KLRG1: variants seen among roughly 807,000 people sequenced by gnomAD.
KLRG1 encodes killer cell lectin-like receptor subfamily G member 1.
In KLRG1, 16 loss-of-function variants were observed where a neutral mutation model predicts 21.8. That is an observed-to-expected ratio of 0.73 (90% CI 0.50 to 1.11). The LOEUF (loss-of-function observed/expected upper bound fraction) is 1.11. KLRG1 is among the 50% of genes most tolerant of loss of function. KLRG1 has a pLI of 0.00. For synonymous variants in KLRG1, 69 were observed against 75.9 expected (o/e 0.91, Z 0.47); for missense variants, 173 against 218.3 (o/e 0.79, Z 1.31).
At chr12:9,191,661 G>T in the KLRG1 span, among the ~76,000 whole-genome samples, 1 of 151,918 alleles carries the variant, frequency 6.6e-6, no homozygotes, top group Admixed American at 6.6e-5. Flanking sequence ...AAATGTTCAC[G>T]GGTTCTCTTT....
the KLRG1 span, among the ~76,000 whole-genome samples, chr12:9,133,700 C>A: frequency 6.6e-6 from 1 of 152,150 alleles, no homozygotes; most frequent in South Asian, 2.1e-4. Flanking sequence ...GCTAAACTCC[C>A]CAGACAGAAA....
intron 3 of KLRG1, among the ~76,000 whole-genome samples, chr12:9,004,321 CA>C: frequency 6.6e-6 from 1 of 152,286 alleles, no homozygotes; most frequent in African/African-American, 2.4e-5. Context: ...GTCCCACCAA[CA>C]GTGTAAAAGT....
the KLRG1 span, chr12:9,165,027 T>C: frequency 7.6e-7 from 1 of 1,317,110 alleles, no homozygotes; most frequent in Non-Finnish European, 1.1e-6. Context: ...TTCACAGTGC[T>C]AACACACAAT....
At chr12:9,185,658 GA>G in the KLRG1 span, among the ~76,000 whole-genome samples, 82 of 149,898 alleles carry the variant, frequency 5.5e-4, no homozygotes, top group African/African-American at 1.2e-3. Context: ...TGAAATGAAT[GA>G]AAAAAAAAAA....
the KLRG1 span, among the ~76,000 whole-genome samples, chr12:9,019,838 C>T: frequency 6.6e-6 from 1 of 151,768 alleles, no homozygotes; most frequent in Non-Finnish European, 1.5e-5. Context: ...CTCTTGCCTT[C>T]GTGTCCCAAA....
chr12:8,991,395 A>G (rs1361597305), intron 1 of KLRG1, among the ~76,000 whole-genome samples: 1 of 152,218 alleles, frequency 6.6e-6, no homozygotes, highest in Non-Finnish European at 1.5e-5. Flanking sequence ...CACTTCTGAA[A>G]TGTAGATTAT....
chr12:9,103,861 C>T, the KLRG1 span, among the ~76,000 whole-genome samples: 9 of 152,140 alleles, frequency 5.9e-5, no homozygotes, highest in East Asian at 1.9e-4. Context: ...GTGAATAGTG[C>T]GGCTATGAAC....
the KLRG1 span, chr12:9,194,127 G>A: frequency 3.1e-6 from 5 of 1,614,000 alleles, no homozygotes; most frequent in East Asian, 4.5e-5. Flanking sequence ...ATTGAAAACT[G>A]TGCAAGACCC....
chr12:9,207,472 C>T, the KLRG1 span, among the ~76,000 whole-genome samples: 1 of 152,118 alleles, frequency 6.6e-6, no homozygotes, highest in African/African-American at 2.4e-5. Flanking sequence ...AAACAATAGC[C>T]ATAGTATTTG....
At chr12:9,015,251 C>T (rs1947683888), downstream of KLRG1, among the ~76,000 whole-genome samples, 1 of 152,016 alleles carries the variant, frequency 6.6e-6, no homozygotes, top group South Asian at 2.1e-4. Flanking sequence ...AACAATCTGT[C>T]ACCTACAAGA....
At chr12:9,186,975 T>G in the KLRG1 span, among the ~76,000 whole-genome samples, 1 of 149,048 alleles carries the variant, frequency 6.7e-6, no homozygotes, top group South Asian at 2.1e-4. Context: ...GTTCTGCCCA[T>G]GTATCCCAGA....
the KLRG1 span, among the ~76,000 whole-genome samples, chr12:9,176,774 G>T: frequency 6.6e-6 from 1 of 152,158 alleles, no homozygotes; most frequent in Admixed American, 6.5e-5. Flanking sequence ...TTTTGAACAG[G>T]AGTGTCAATA....
the KLRG1 span, chr12:9,057,507 T>C: frequency 2.0e-5 from 3 of 152,456 alleles, no homozygotes; most frequent in Non-Finnish European, 4.4e-5. Context: ...CCCCTAAATC[T>C]ATATAAAGTA....
upstream of KLRG1, among the ~76,000 whole-genome samples, chr12:8,985,155 A>G (rs1263249675): frequency 2.3e-5 from 3 of 132,600 alleles, no homozygotes; most frequent in African/African-American, 8.5e-5. Context: ...CCTCTGGTCT[A>G]TGACAGTTTC....
chr12:9,106,836 A>G, the KLRG1 span, among the ~76,000 whole-genome samples: 1 of 152,198 alleles, frequency 6.6e-6, no homozygotes, highest in Non-Finnish European at 1.5e-5. Context: ...ATATATTGCG[A>G]TAGAAATGTC....
the KLRG1 span, among the ~76,000 whole-genome samples, chr12:9,065,613 T>C: frequency 1.0e-3 from 153 of 152,244 alleles, no homozygotes; most frequent in Non-Finnish European, 5.6e-4. Flanking sequence ...TTGCAGGCGC[T>C]CCTTGGCATG....
At chr12:9,162,337 G>C in the KLRG1 span, 1 of 379,386 alleles carries the variant, frequency 2.6e-6, no homozygotes, top group African/African-American at 2.1e-5. Flanking sequence ...GCAGCCACTG[G>C]GCTATCCAGG....
the KLRG1 span, among the ~76,000 whole-genome samples, chr12:9,030,234 G>A: frequency 3.3e-5 from 5 of 152,178 alleles, no homozygotes; most frequent in South Asian, 6.2e-4. Flanking sequence ...TAGTGGATGG[G>A]GTGGGCAGGT....
At chr12:9,079,129 C>T in the KLRG1 span, 209 of 763,870 alleles carry the variant, frequency 2.7e-4, no homozygotes, top group African/African-American at 2.6e-3. Context: ...TCTAGTATAA[C>T]AAACCATCGG....
Sources: gnomAD v4.1 joint callset for allele counts (sites outside exome capture counted in the v4.1 genomes callset) on GRCh38, gnomAD v4.1.1 for gene constraint, MANE v1.5 for transcripts, NCBI Gene and HGNC (gene_info 2026-07-23, HGNC 2026-07-21) for gene names.